CEP72: variants seen among roughly 807,000 people sequenced by gnomAD.
The protein encoded by CEP72 is centrosomal protein of 72 kDa.
Under a neutral mutation model 65.7 loss-of-function variants are expected in CEP72, and 78 were observed. That is an observed-to-expected ratio of 1.19 (90% CI 0.99 to 1.43). The LOEUF is 1.43. Ranked by LOEUF, CEP72 falls within the 40% of genes most tolerant of loss-of-function variation. The pLI, the probability that CEP72 is intolerant of heterozygous loss-of-function variation, is 0.00. For synonymous variants in CEP72, 358 were observed against 351.7 expected, an observed-to-expected ratio of 1.02 and a Z score of -0.20; for missense variants, 914 against 832.9, an observed-to-expected ratio of 1.10 and a Z score of -1.20.
downstream of CEP72, chr5:657,233 G>A: frequency 6.6e-6 from 1 of 152,308 alleles, no homozygotes. Flanking sequence ...GGAAATAGTG[G>A]CTTCCTCACA....
At chr5:643,544 C>A in intron 9 of CEP72, 1 of 985,382 alleles carries the variant, frequency 1.0e-6, no homozygotes, top group Non-Finnish European at 1.2e-6. Flanking sequence ...AGCGGCGATA[C>A]CCCCAGCACG....
chr5:613,095 G>A (rs1441655857), intron 1 of CEP72, among the ~76,000 whole-genome samples: 4 of 152,192 alleles, frequency 2.6e-5, no homozygotes, highest in Admixed American at 2.0e-4. Flanking sequence ...TTAGTTCACC[G>A]CGAGTCTTGG....
chr5:658,823 C>T (rs1739465350), downstream of CEP72, among the ~76,000 whole-genome samples: 2 of 151,800 alleles, frequency 1.3e-5, no homozygotes, highest in Admixed American at 6.6e-5. Context: ...CGCCCGCCAC[C>T]ACGCCTGGCT....
chr5:631,400 G>A (rs1211700908), intron 4 of CEP72, among the ~76,000 whole-genome samples: 7 of 31,960 alleles, frequency 2.2e-4, no homozygotes, highest in Admixed American at 2.9e-4. Context: ...TCTGTCCAGC[G>A]CCGGGATTTG....
intron 3 of CEP72, among the ~76,000 whole-genome samples, chr5:622,015 C>T (rs1736427663): frequency 6.6e-6 from 1 of 152,248 alleles, no homozygotes; most frequent in South Asian, 2.1e-4. Context: ...CTCAAGTCAT[C>T]TGCCCACTCT....
At chr5:661,722 T>G (rs1739616822), downstream of CEP72, 1 of 152,402 alleles carries the variant, frequency 6.6e-6, no homozygotes, top group South Asian at 2.1e-4. Context: ...AATTACGGAT[T>G]CCACAGACAA....
At chr5:627,928 C>T (rs76242473) in intron 4 of CEP72, among the ~76,000 whole-genome samples, 5,020 of 152,330 alleles carry the variant, frequency 0.033, 120 homozygotes, top group Admixed American at 0.07. Flanking sequence ...CGCTGCTGAC[C>T]GTGACCAGCG....
At chr5:637,850 C>T (rs1423812081) in intron 7 of CEP72, 32 bp downstream of exon 7, 16 of 1,486,460 alleles carry the variant, frequency 1.1e-5, no homozygotes, top group East Asian at 2.5e-5. Flanking sequence ...AGCAGGCCCA[C>T]GGCACTGCCT....
At chr5:669,271 G>A (rs902396175), downstream of CEP72, among the ~76,000 whole-genome samples, 4 of 136,918 alleles carry the variant, frequency 2.9e-5, no homozygotes, top group African/African-American at 8.2e-5. Context: ...CCCAGGGGGC[G>A]CTGGTGAGCC....
intron 1 of CEP72, chr5:662,428 A>G (rs1709542): frequency 0.38 from 58,190 of 152,212 alleles, 11,422 homozygotes; most frequent in East Asian, 0.45. Context: ...ACCTCTCCTC[A>G]GTGTCCCTCG....
chr5:642,344 C>T, intron 9 of CEP72: 1 of 985,364 alleles, frequency 1.0e-6, no homozygotes, highest in Non-Finnish European at 1.2e-6. Flanking sequence ...TTTAAGCACA[C>T]ATGGCCCCTT....
intron 1 of CEP72, among the ~76,000 whole-genome samples, chr5:614,429 CT>C (rs1735864479): frequency 6.7e-6 from 1 of 149,244 alleles, no homozygotes; most frequent in South Asian, 2.1e-4. Flanking sequence ...TCGATACTTC[CT>C]GTTTGACCTG....
At chr5:649,950 G>GT (rs1338649381) in intron 11 of CEP72, among the ~76,000 whole-genome samples, 2 of 92,760 alleles carry the variant, frequency 2.2e-5, no homozygotes, top group East Asian at 7.4e-4. Context: ...ACTGTGAGGC[G>GT]TGACTGTGAG....
At chr5:665,123 C>A in intron 2 of CEP72, 2 of 1,611,914 alleles carry the variant, frequency 1.2e-6, no homozygotes, top group East Asian at 2.2e-5. Flanking sequence ...CTTGCACCTT[C>A]TGGTCGTAGG....
At chr5:669,945 A>G (rs1037056032), downstream of CEP72, among the ~76,000 whole-genome samples, 2 of 152,026 alleles carry the variant, frequency 1.3e-5, no homozygotes, top group Admixed American at 6.5e-5. Flanking sequence ...GGAGCCTCCG[A>G]GTGTGGAGCT....
chr5:670,140 C>A (rs1403834179), downstream of CEP72, among the ~76,000 whole-genome samples: 1 of 152,180 alleles, frequency 6.6e-6, no homozygotes, highest in South Asian at 2.1e-4. Flanking sequence ...CCTGGGGCCT[C>A]CAGGAGCTGG....
At chr5:668,303 C>G (rs189449946), downstream of CEP72, among the ~76,000 whole-genome samples, 3 of 56,712 alleles carry the variant, frequency 5.3e-5, no homozygotes, top group Non-Finnish European at 9.9e-5. Flanking sequence ...AGGGAAGTAC[C>G]GACAAGCACA....
chr5:636,339 CGT>C lies in CEP72; in HGVS notation c.904+765_904+766del, dbSNP rs1473079198. Among the ~76,000 whole-genome samples the C allele has an allele frequency of 2.0e-5, 3 of 152,182 alleles. No homozygotes were observed. In the East Asian group the frequency reaches 5.8e-4, roughly 29 times the overall value. On this transcript the variant is annotated intron_variant, in intron 6 of 11. Transcript: ENST00000264935. ...GGTAAATAAGTGCTTTTTCTCTGCA[CGT>C]GTGTGTGTGCACACCCTCCCTCACC... is the stretch of plus-strand genomic sequence containing the variant.
At chr5:647,012 G>A (rs1399281701) in intron 10 of CEP72, among the ~76,000 whole-genome samples, 7 of 152,222 alleles carry the variant, frequency 4.6e-5, no homozygotes, top group East Asian at 1.9e-4. Context: ...AAGCTGTGCC[G>A]CCCTGCGCTT....
Sources: allele counts gnomAD v4.1 joint callset (sites outside exome capture counted in the v4.1 genomes callset), GRCh38; gene constraint gnomAD v4.1.1; transcripts MANE v1.5; gene names NCBI Gene and HGNC (gene_info 2026-07-23, HGNC 2026-07-21).